The following UGT1A7 variants were observed in gnomAD, a reference collection of about 807,000 sequenced individuals.
UGT1A7 encodes UDP glucuronosyltransferase family 1 member A7.
A neutral mutation model predicts 45.6 loss-of-function variants in UGT1A7; 33 were observed. The ratio of observed to expected loss-of-function variants is 0.72; its 90% confidence interval spans 0.55 to 0.97. The LOEUF is 0.97. UGT1A7 is among the 50% of genes least tolerant of loss of function. The probability of loss-of-function intolerance (pLI) is 0.00; values close to 1 mark genes in which losing one functional copy is unlikely to be tolerated. For synonymous variants in UGT1A7, 274 were observed against 250.6 expected (o/e 1.09, Z -0.88); for missense variants, 684 against 666.2 (o/e 1.03, Z -0.29).
chr2:233,710,978 A>G (rs140635768), intron 1 of UGT1A7, among the ~76,000 whole-genome samples: 1 of 152,344 alleles, frequency 6.6e-6, no homozygotes, highest in Non-Finnish European at 1.5e-5. Context: ...GGAATATACA[A>G]TCATTCAGAT....
Position 233,682,523 on chromosome 2 carries a change from G to C in UGT1A7, c.586G>C (p.Gly196Arg). 7 of 1,613,852 alleles carry C rather than the reference G, an allele frequency of 4.3e-6. No homozygotes were observed. Among genetic ancestry groups the C allele is most frequent in the Non-Finnish European group, 5.9e-6 (7 of 1,179,826 alleles). The change falls in exon 1 of 5, where the codon GGG (glycine) becomes CGG (arginine). Residue 196 changes from glycine to arginine, a missense_variant. Coordinates refer to ENST00000373426, the MANE Select transcript of UGT1A7 (RefSeq NM_019077.3). ...TTCCTATGTCCCCAGACTTCTCTTA[G>C]GGTTCTCAGACGCCATGACTTTCAA... ...PLSYVPRLLLGFSDAMTFKER... is the reference protein window; with the variant it reads ...PLSYVPRLLLRFSDAMTFKER...
chr2:233,692,066 G>A (rs1433912228), intron 1 of UGT1A7: 1 of 152,176 alleles, frequency 6.6e-6, no homozygotes, highest in South Asian at 2.1e-4. Flanking sequence ...AGGGAAGAAA[G>A]GAGAGAGAGA....
chr2:233,693,717 A>G lies in UGT1A7; in HGVS notation c.855+10925A>G, dbSNP rs749822661. Reference sequence around the variant, plus strand: ...GAAGAACTCGCATCAGCTGTCCTCAAGAGAGATGTGGATATAATCACCTTA... The same window carrying G: ...GAAGAACTCGCATCAGCTGTCCTCAGGAGAGATGTGGATATAATCACCTTA... On this transcript the variant is annotated intron_variant, in intron 1 of 4. Transcript: ENST00000373426. 1.5e-5 allele frequency: 25 copies of G among 1,614,098 alleles called. No homozygotes were observed. Among genetic ancestry groups the G allele is most frequent in the Non-Finnish European group, 2.0e-5 (24 of 1,180,042 alleles).
chr2:233,684,281 C>T (rs189905621), intron 1 of UGT1A7, among the ~76,000 whole-genome samples: 12 of 152,316 alleles, frequency 7.9e-5, no homozygotes, highest in African/African-American at 2.2e-4. Flanking sequence ...TGAAACATGA[C>T]TTTCAGCTCT....
chr2:233,732,680 C>G (rs899691828), intron 1 of UGT1A7, among the ~76,000 whole-genome samples: 5 of 151,938 alleles, frequency 3.3e-5, no homozygotes, highest in South Asian at 2.1e-4. Flanking sequence ...TGTTTTGGTA[C>G]CAGCACCCAT....
At chr2:233,733,885 A>AGCTCCTG (rs2078449357) in intron 1 of UGT1A7, among the ~76,000 whole-genome samples, 1 of 152,018 alleles carries the variant, frequency 6.6e-6, no homozygotes, top group Non-Finnish European at 1.5e-5. Flanking sequence ...GAATGGTACC[A>AGCTCCTG]GCTCCTGTTT....
intron 1 of UGT1A7, chr2:233,690,016 C>A: frequency 2.3e-6 from 1 of 440,340 alleles, no homozygotes; most frequent in Admixed American, 2.6e-5. Context: ...CCATTTTGGA[C>A]CTTCCTCAAG....
rs1222829087 is a variant in UGT1A7, at chr2:233,767,177, C to G, written c.987+12C>G. 1 of 1,614,030 alleles carries G rather than the reference C, an allele frequency of 6.2e-7. No individual in the cohort carries two copies. Among genetic ancestry groups the G allele is most frequent in the South Asian group, 1.1e-5 (1 of 91,054 alleles). ...AAATCCCTCAGACAGTAAGAAGATT[C>G]TATACCATGGCCTCATATCTATTTT... On this transcript the variant is annotated intron_variant, in intron 2 of 4. Coordinates refer to ENST00000373426, the MANE Select transcript of UGT1A7 (RefSeq NM_019077.3).
intron 1 of UGT1A7, chr2:233,717,759 G>A (rs1415784532): frequency 2.2e-6 from 1 of 456,590 alleles, no homozygotes; most frequent in East Asian, 6.9e-5. Flanking sequence ...CCCTAGAAAG[G>A]CACACATTTA....
At chr2:233,718,875 C>T in intron 1 of UGT1A7, 1 of 1,613,984 alleles carries the variant, frequency 6.2e-7, no homozygotes, top group Middle Eastern at 1.7e-4. Context: ...ACTGCTGCTC[C>T]TCCTCAGTGT....
At chr2:233,697,124 A>AT (rs2075377179) in intron 1 of UGT1A7, among the ~76,000 whole-genome samples, 1 of 151,786 alleles carries the variant, frequency 6.6e-6, no homozygotes, top group Non-Finnish European at 1.5e-5. Context: ...TCTCCTCTTC[A>AT]TTTTTCTGTA....
rs139693283 is a variant in UGT1A7 at position 233,697,582 on chromosome 2, T to C, written c.855+14790T>C. Among the ~76,000 whole-genome samples the C allele has an allele frequency of 3.1e-3, 475 of 152,066 alleles. 2 individuals are homozygous for C. Among genetic ancestry groups the C allele is most frequent in the Non-Finnish European group, 6.0e-3 (406 of 67,942 alleles). On this transcript the variant is annotated intron_variant, in intron 1 of 4. Coordinates refer to ENST00000373426, the MANE Select transcript of UGT1A7 (RefSeq NM_019077.3). ...GCCTCAATTTAATTTATTTTTTCCC[T>C]GATCTTTATTATTTCTTTCCTTCTA...
chr2:233,721,870 C>G (rs905859628), intron 1 of UGT1A7: 1 of 500,564 alleles, frequency 2.0e-6, no homozygotes, highest in Non-Finnish European at 4.0e-6. Context: ...CCTGGGCACA[C>G]TTGCCAGCCC....
In UGT1A7 at chr2:233,743,574, A is replaced by T. The variant is rs763461022; in HGVS notation, c.856-23460A>T. ...AAAATATTCTCCAGCGGGTTTCCCA[A>T]GAGGTCAAAGGAGAATGGGTCCTGG... is the stretch of plus-strand genomic sequence containing the variant. On this transcript the variant is annotated intron_variant, in intron 1 of 4. Coordinates refer to ENST00000373426, the MANE Select transcript of UGT1A7 (RefSeq NM_019077.3). 5 of 1,367,184 alleles carry T rather than the reference A, an allele frequency of 3.7e-6. No individual in the cohort carries two copies. The East Asian group carries it at 2.3e-4, about 62-fold the overall frequency. The allele number at this position is 1,367,184 out of a possible 1,614,324, so 84.7% of individuals were successfully genotyped here. A position where few individuals can be genotyped will look rare whatever the true frequency, so the allele number is the denominator to read the frequency against.
intron 1 of UGT1A7, chr2:233,754,923 C>G (rs1466218732): frequency 7.4e-7 from 1 of 1,349,888 alleles, no homozygotes; most frequent in Non-Finnish European, 9.9e-7. Flanking sequence ...CAGCGGGTTT[C>G]CCAAGAGGTC....
At chr2:233,735,104 G>A (rs543014633) in intron 1 of UGT1A7, among the ~76,000 whole-genome samples, 1 of 152,204 alleles carries the variant, frequency 6.6e-6, no homozygotes, top group Non-Finnish European at 1.5e-5. Context: ...GTCTAATATC[G>A]ACAGTGGGAT....
At position 233,772,698 on chromosome 2, in the gene UGT1A7, A is replaced by C; in HGVS notation, c.*139A>C. Reference sequence around the variant, plus strand: ...AATTAATCAGCCCCAGAGTGCTTTAAAAAATTCTCTTAAATAAAAATAATA... The same window carrying C: ...AATTAATCAGCCCCAGAGTGCTTTACAAAATTCTCTTAAATAAAAATAATA... On this transcript the variant is annotated 3_prime_UTR_variant, in exon 5 of 5. Coordinates refer to ENST00000373426, the MANE Select transcript of UGT1A7 (RefSeq NM_019077.3). 6.7e-7 allele frequency: 1 copy of C among 1,482,372 alleles called. No homozygotes were observed. The highest frequency in any genetic ancestry group is 1.4e-5 in the African/African-American group (1 of 70,578). The allele number at this position is 1,482,372 out of a possible 1,614,324, so 91.8% of individuals were successfully genotyped here. A position where few individuals can be genotyped will look rare whatever the true frequency, so the allele number is the denominator to read the frequency against.
rs1005188679 is a variant in UGT1A7, at chr2:233,769,324, T to C, written c.1295+885T>C. 3.9e-5 allele frequency among the ~76,000 whole-genome samples: 6 copies of C among 152,244 alleles called. No individual in the cohort carries two copies. Among genetic ancestry groups the C allele is most frequent in the African/African-American group, 1.4e-4 (6 of 41,472 alleles). On this transcript the variant is annotated intron_variant, in intron 4 of 4. Coordinates refer to ENST00000373426, the MANE Select transcript of UGT1A7 (RefSeq NM_019077.3). This position sits in a 1 kb window ranked among gnomAD's most constrained non-coding sequence, Gnocchi z 4.4. ...ATATTACTGTCAAGCTCACTGGTAA[T>C]AGGCTTATTAGAACCTTATGGGAAG...
intron 1 of UGT1A7, chr2:233,690,374 G>C (rs981595898): frequency 9.0e-6 from 8 of 886,718 alleles, no homozygotes; most frequent in Non-Finnish European, 1.1e-5. Context: ...CTCTCCATAG[G>C]GTCCACGTTT....
Sources: allele counts gnomAD v4.1 joint callset (sites outside exome capture counted in the v4.1 genomes callset), GRCh38; gene constraint gnomAD v4.1.1; non-coding constraint Gnocchi (gnomAD v3.1); transcripts MANE v1.5; gene names NCBI Gene and HGNC (gene_info 2026-07-23, HGNC 2026-07-21).